DET1: variants seen among roughly 807,000 people sequenced by gnomAD.
The protein encoded by DET1 is DET1 partner of COP1 E3 ubiquitin ligase.
Under a neutral mutation model 43.7 loss-of-function variants are expected in DET1, and 22 were observed. The ratio of observed to expected loss-of-function variants is 0.50; its 90% CI spans 0.36 to 0.72. DET1 has a LOEUF of 0.72. Among genes scored for constraint, DET1 ranks in the 30% least tolerant of loss-of-function variants. The pLI is 0.00. For missense variants in DET1, 713 were observed against 713.3 expected (o/e 1.00, Z 0.00); for synonymous variants, 315 against 266.2 (o/e 1.18, Z -1.79).
intron 1 of DET1, among the ~76,000 whole-genome samples, chr15:88,537,169 C>T (rs987883918): frequency 6.6e-6 from 1 of 152,122 alleles, no homozygotes; most frequent in African/African-American, 2.4e-5. Flanking sequence ...GTATTACGGA[C>T]ATTTTAAAAA....
At chr15:88,527,488 A>C (rs2056695508) in intron 3 of DET1, 111 bp downstream of exon 3, 1 of 998,458 alleles carries the variant, frequency 1.0e-6, no homozygotes, top group Non-Finnish European at 1.4e-6. Context: ...TAAGCAGAAT[A>C]ACCAAAGCTA....
downstream of DET1, among the ~76,000 whole-genome samples, chr15:88,510,225 A>T (rs1213742676): frequency 6.6e-6 from 1 of 152,152 alleles, no homozygotes; most frequent in Non-Finnish European, 1.5e-5. Flanking sequence ...GGGCAGTTTG[A>T]GGTGATAAAA....
chr15:88,528,069 G>A (rs574392234), intron 2 of DET1, among the ~76,000 whole-genome samples: 1 of 152,298 alleles, frequency 6.6e-6, no homozygotes, highest in South Asian at 2.1e-4. Context: ...TACTGAGATG[G>A]CCAGCATATA....
chr15:88,530,361 C>T (rs985200710), intron 2 of DET1, among the ~76,000 whole-genome samples: 1 of 152,114 alleles, frequency 6.6e-6, no homozygotes, highest in Admixed American at 6.6e-5. Flanking sequence ...CTCATGAGTA[C>T]TGAAAATACT....
Position 88,513,020 on chromosome 15 carries a change from G to A in DET1, c.1584C>T (p.Phe528=), listed in dbSNP as rs761116751. The change falls in exon 5 of 5, where the codon TTC becomes TTT. Residue 528 remains phenylalanine (F), a synonymous_variant. Coordinates refer to ENST00000268148, the MANE Select transcript of DET1 (RefSeq NM_001144074.3). Reference sequence around the variant, plus strand: ...CATTAGTCCTCTGCACAGAAATAGCGAAAGGCTCAAAAGGGTGAAAGGTGA... The same window carrying A: ...CATTAGTCCTCTGCACAGAAATAGCAAAAGGCTCAAAAGGGTGAAAGGTGA... ...VAFTFHPFEP[F]AISVQRTNAE... 1.7e-5 allele frequency: 28 copies of A among 1,613,942 alleles called. No individual in the cohort carries two copies. The highest frequency in any genetic ancestry group is 4.5e-5 in the East Asian group (2 of 44,902).
chr15:88,535,012 T>C (rs977336929), intron 1 of DET1, among the ~76,000 whole-genome samples: 2 of 152,102 alleles, frequency 1.3e-5, no homozygotes, highest in Non-Finnish European at 1.5e-5. Context: ...CTGAGACAGA[T>C]TTTGAAGTAC....
Position 88,539,751 on chromosome 15 carries a change from G to A in DET1, c.-11+6789C>T, listed in dbSNP as rs1215482780. On this transcript the variant is annotated intron_variant, in intron 1 of 4. Coordinates refer to ENST00000268148, the MANE Select transcript of DET1 (RefSeq NM_001144074.3). ...GTAAGGTGTTGTTACAGGAATGAGT[G>A]TGAAGAACATTCATCTGATTGAAAT... 3.3e-5 allele frequency among the ~76,000 whole-genome samples: 5 copies of A among 152,170 alleles called. No homozygotes were observed. The South Asian group carries it at 8.3e-4, about 25-fold the overall frequency.
intron 1 of DET1, among the ~76,000 whole-genome samples, chr15:88,543,556 G>A (rs149291285): frequency 2.6e-5 from 4 of 152,300 alleles, no homozygotes; most frequent in Non-Finnish European, 4.4e-5. Flanking sequence ...GGCGGACGCC[G>A]CTGTGTTCAC....
At chr15:88,535,534 T>C (rs2056926257) in intron 1 of DET1, among the ~76,000 whole-genome samples, 2 of 151,900 alleles carry the variant, frequency 1.3e-5, no homozygotes, top group African/African-American at 2.4e-5. Flanking sequence ...GATGGGCAAA[T>C]TGCTTGAGCC....
rs1366312408 is a variant in DET1, at chr15:88,512,869, G to A, written c.*82C>T. On this transcript the variant is annotated 3_prime_UTR_variant, in exon 5 of 5. Coordinates refer to ENST00000268148, the MANE Select transcript of DET1 (RefSeq NM_001144074.3). ...GCTGGAACTAACAGAGCTAGTAGTC[G>A]GGAGCTTTTGCTTTGGAGTCCACTG... The A allele has an allele frequency of 1.1e-5, 17 of 1,552,032 alleles. No homozygotes were observed. The Admixed American group carries it at 1.3e-4, about 12-fold the overall frequency.
At chr15:88,539,242 G>A (rs2057032304) in intron 1 of DET1, among the ~76,000 whole-genome samples, 1 of 151,984 alleles carries the variant, frequency 6.6e-6, no homozygotes, top group Non-Finnish European at 1.5e-5. Context: ...GTAGCTCCAC[G>A]GCGAAAGCTA....
At chr15:88,539,730 G>A (rs542707428) in intron 1 of DET1, among the ~76,000 whole-genome samples, 3 of 152,230 alleles carry the variant, frequency 2.0e-5, no homozygotes, top group Admixed American at 1.3e-4. Flanking sequence ...AGGCAAGTAA[G>A]GTGTTGTTAC....
chr15:88,510,940 AT>A (rs2056193569), downstream of DET1, among the ~76,000 whole-genome samples: 1 of 151,466 alleles, frequency 6.6e-6, no homozygotes, highest in South Asian at 2.1e-4. Flanking sequence ...CGTCCCGCTA[AT>A]TTTTTTATTT....
Position 88,530,988 on chromosome 15 carries a change from G to A in DET1, c.718C>T (p.His240Tyr). 6.2e-7 allele frequency: 1 copy of A among 1,613,898 alleles called. No individual in the cohort carries two copies. Among genetic ancestry groups the A allele is most frequent in the Non-Finnish European group, 8.5e-7 (1 of 1,179,828 alleles). ...AILSVQQQTI[H>Y]VFQVTPEGTF... is the part of the protein sequence containing the mutation. ...CCTTCAGGAGTCACCTGGAAGACATGGATGGTCTGTTGTTGCACAGACAAG... is the reference window on the plus strand; with the variant it reads ...CCTTCAGGAGTCACCTGGAAGACATAGATGGTCTGTTGTTGCACAGACAAG... Residue 240 changes from histidine (H) to tyrosine (Y), a missense_variant, in exon 2 of 5, where the codon CAT (histidine) becomes TAT (tyrosine). By Grantham distance (83) the His-to-Tyr change is moderately conservative. Coordinates refer to ENST00000268148, the MANE Select transcript of DET1 (RefSeq NM_001144074.3).
chr15:88,528,581 C>T (rs2056730240), intron 2 of DET1, among the ~76,000 whole-genome samples: 1 of 152,114 alleles, frequency 6.6e-6, no homozygotes, highest in African/African-American at 2.4e-5. Context: ...CTAAATGGGC[C>T]CCTTGGTGGC....
chr15:88,516,773 A>C lies in DET1; in HGVS notation c.1463+9T>G, dbSNP rs1248463238. The C allele has an allele frequency of 1.3e-6, 2 of 1,544,178 alleles. No homozygotes were observed. Among genetic ancestry groups the C allele is most frequent in the East Asian group, 4.8e-5 (2 of 41,722 alleles). On this transcript the variant is annotated intron_variant, in intron 4 of 4. Transcript: ENST00000268148. The surrounding 1 kb of genome is among the most constrained non-coding windows in gnomAD (Gnocchi z 4.4). ...TGAGCAGTTTGTAGCTATAGCAGTG[A>C]CACTGTACCTGATTGGGTGATCTCC...
chr15:88,509,437 G>T (rs2056174387), downstream of DET1, among the ~76,000 whole-genome samples: 1 of 152,232 alleles, frequency 6.6e-6, no homozygotes, highest in African/African-American at 2.4e-5. Flanking sequence ...GATCTTGAGT[G>T]CCCATTTTAA....
chr15:88,503,993 T>TA (rs74776308), intron 7 of DET1: 8 of 149,530 alleles, frequency 5.4e-5, no homozygotes, highest in African/African-American at 9.9e-5. Context: ...AGACCCTGTC[T>TA]TAAAAAAAAA....
chr15:88,520,399 C>CAAACT (rs2056458495), intron 3 of DET1, among the ~76,000 whole-genome samples: 13 of 152,222 alleles, frequency 8.5e-5, no homozygotes, highest in Admixed American at 7.9e-4. Flanking sequence ...TTGTCAAGGT[C>CAAACT]ACCAATGACC....
Sources: allele counts gnomAD v4.1 joint callset (sites outside exome capture counted in the v4.1 genomes callset), GRCh38; gene constraint gnomAD v4.1.1; non-coding constraint Gnocchi (gnomAD v3.1); transcripts MANE v1.5; gene names NCBI Gene and HGNC (gene_info 2026-07-23, HGNC 2026-07-21).